SH3BP5L: variants seen among roughly 807,000 people sequenced by gnomAD.
The protein encoded by SH3BP5L is SH3 binding domain protein 5 like, also known as SH3 domain-binding protein 5-like.
In SH3BP5L, 16 loss-of-function variants were observed where a neutral mutation model predicts 40.9. That is an observed-to-expected ratio of 0.39 (90% confidence interval 0.27 to 0.59). The LOEUF (loss-of-function observed/expected upper bound fraction) is 0.59, where lower values mean the gene tolerates loss of function less well. SH3BP5L is among the 20% of genes least tolerant of loss of function. The probability of loss-of-function intolerance (pLI) is 0.53; values close to 1 mark genes in which losing one functional copy is unlikely to be tolerated. For synonymous variants in SH3BP5L, 229 were observed against 226.7 expected (o/e 1.01, Z -0.09); for missense variants, 471 against 544.6 (o/e 0.86, Z 1.35).
At chr1:248,822,494 G>A (rs1048033929) in intron 2 of SH3BP5L, among the ~76,000 whole-genome samples, 8 of 152,274 alleles carry the variant, frequency 5.3e-5, no homozygotes, top group East Asian at 1.9e-4. Context: ...CAAGAGAGAC[G>A]AGGGTCTGCT....
At position 248,811,893 on chromosome 1, in the gene SH3BP5L, C is replaced by T; in HGVS notation, c.*7G>A. On this transcript the variant is annotated 3_prime_UTR_variant, in exon 7 of 7. Coordinates refer to ENST00000366472, the MANE Select transcript of SH3BP5L (RefSeq NM_030645.3). Reference sequence around the variant, plus strand: ...GCAGATTCAAGCCAGGAACCCTGGCCCCTCGGCTACAGGCTGACGCTGCGC... The same window carrying T: ...GCAGATTCAAGCCAGGAACCCTGGCTCCTCGGCTACAGGCTGACGCTGCGC... 1 of 1,506,092 alleles carries T rather than the reference C, an allele frequency of 6.6e-7. No homozygotes were observed. Among genetic ancestry groups the T allele is most frequent in the Non-Finnish European group, 8.9e-7 (1 of 1,122,412 alleles). The allele number at this position is 1,506,092 out of a possible 1,614,324, so 93.3% of individuals were successfully genotyped here. A position where few individuals can be genotyped will look rare whatever the true frequency, so the allele number is the denominator to read the frequency against.
rs1664248263 is a variant in SH3BP5L at position 248,821,224 on chromosome 1, C to T, written c.183+3529G>A. The T allele has an allele frequency of 2.0e-5, 3 of 152,296 alleles. No homozygotes were observed. Among genetic ancestry groups the T allele is most frequent in the Admixed American group, 6.5e-5 (1 of 15,282 alleles). 9.4% of individuals were successfully genotyped at this position (152,296 alleles called of 1,614,324 possible). On this transcript the variant is annotated intron_variant, in intron 2 of 6. Coordinates refer to ENST00000366472, the MANE Select transcript of SH3BP5L (RefSeq NM_030645.3). This position sits in a 1 kb window ranked among gnomAD's most constrained non-coding sequence, Gnocchi z 4.6. ...AGTTTTGGGCAGTCAGCAACACATT[C>T]CATTTGGCCTGCTTCACCAGGGACT...
At position 248,825,159 on chromosome 1, in the gene SH3BP5L, T is replaced by G; in HGVS notation, c.-224A>C. The G allele has an allele frequency of 7.6e-7, 1 of 1,312,350 alleles. No individual in the cohort carries two copies. The allele number at this position is 1,312,350 out of a possible 1,614,324, so 81.3% of individuals were successfully genotyped here. A position where few individuals can be genotyped will look rare whatever the true frequency, so the allele number is the denominator to read the frequency against. On this transcript the variant is annotated 5_prime_UTR_variant, in exon 2 of 7. Transcript: ENST00000366472. ...TGAAGCCTTGTCTGTGCAAAAGTTC[T>G]TCCCTTCCCGCCACAGGGAGTCCAC...
In SH3BP5L at chr1:248,811,718, G is replaced by C. The variant is rs867818001; in HGVS notation, c.*182C>G. The C allele has an allele frequency of 1.3e-4, 73 of 552,402 alleles. No homozygotes were observed. The highest frequency in any genetic ancestry group is 1.0e-3 in the East Asian group (33 of 32,138). The allele number at this position is 552,402 out of a possible 1,614,324, so 34.2% of individuals were successfully genotyped here. ...AAGAGAGCCGCCTGCTGAGGGGAAGGGGGAGGCTGTGAGAACGCCAGGGCA... is the reference window on the plus strand; with the variant it reads ...AAGAGAGCCGCCTGCTGAGGGGAAGCGGGAGGCTGTGAGAACGCCAGGGCA... On this transcript the variant is annotated 3_prime_UTR_variant, in exon 7 of 7. Coordinates refer to ENST00000366472, the MANE Select transcript of SH3BP5L (RefSeq NM_030645.3).
intron 2 of SH3BP5L, among the ~76,000 whole-genome samples, chr1:248,819,365 A>C (rs1572184363): frequency 6.6e-6 from 1 of 151,788 alleles, no homozygotes; most frequent in African/African-American, 2.4e-5. Flanking sequence ...GCCACACATA[A>C]AATACACTAA....
chr1:248,819,214 G>A (rs111815067), intron 2 of SH3BP5L, among the ~76,000 whole-genome samples: 3 of 152,080 alleles, frequency 2.0e-5, no homozygotes, highest in Non-Finnish European at 2.9e-5. Flanking sequence ...GTAATGGAAC[G>A]AGGAATGAGG....
At chr1:248,824,679 C>G (rs1171923203) in intron 2 of SH3BP5L, 74 bp downstream of exon 2, 9 of 1,548,474 alleles carry the variant, frequency 5.8e-6, no homozygotes, top group African/African-American at 1.4e-5. Flanking sequence ...AAGTCTAAGC[C>G]CTCATTCATC....
chr1:248,820,749 G>A (rs1270042811), intron 2 of SH3BP5L: 1 of 152,146 alleles, frequency 6.6e-6, no homozygotes, highest in Non-Finnish European at 1.5e-5. Flanking sequence ...CATTGATTGT[G>A]GGGGGTCAGT....
chr1:248,817,842 G>A (rs757909425), intron 2 of SH3BP5L, among the ~76,000 whole-genome samples: 1 of 152,104 alleles, frequency 6.6e-6, no homozygotes, highest in Non-Finnish European at 1.5e-5. Flanking sequence ...AACATAGCGA[G>A]ACTCTGTCTC....
At chr1:248,813,701 G>A (rs1349152099) in intron 5 of SH3BP5L, 1 of 153,346 alleles carries the variant, frequency 6.5e-6, no homozygotes, top group African/African-American at 2.4e-5. Flanking sequence ...GTGGGCCGAG[G>A]TTGGATGGGG....
intron 2 of SH3BP5L, among the ~76,000 whole-genome samples, chr1:248,818,928 C>G (rs1664181081): frequency 6.6e-6 from 1 of 152,202 alleles, no homozygotes; most frequent in Non-Finnish European, 1.5e-5. Context: ...TGCCTGCTGC[C>G]CAGACCCATG....
At position 248,811,986 on chromosome 1, in the gene SH3BP5L, G is replaced by C. The variant is rs995498582; in HGVS notation, c.1096C>G (p.Gln366Glu). The change falls in exon 7 of 7, where the codon CAA (glutamine) becomes GAA (glutamate). Residue 366 changes from glutamine to glutamate, a missense_variant. Gln to Glu is a conservative substitution (Grantham distance 29). Around this residue, in one of 2 missense-constraint regions of SH3BP5L, gnomAD observed 196 missense variants for 174.6 expected, o/e 1.12. Transcript: ENST00000366472. ...GLSDHVSLDG[Q>E]ELGTRSGGRR... ...CCTCCACTCCGCGTTCCCAGCTCTT[G>C]GCCGTCCAGACTGACGTGGTCCGAG... is the stretch of plus-strand genomic sequence containing the variant. The C allele has an allele frequency of 1.8e-5, 29 of 1,602,824 alleles. No homozygotes were observed. The highest frequency in any genetic ancestry group is 2.7e-5 in the African/African-American group (2 of 74,816).
chr1:248,813,335 C>T, intron 5 of SH3BP5L, 173 bp from the exon 6 acceptor site: 1 of 537,592 alleles, frequency 1.9e-6, no homozygotes. Context: ...GTCTATGAGC[C>T]TCAAGACAGC....
intron 2 of SH3BP5L, among the ~76,000 whole-genome samples, chr1:248,823,058 G>A (rs1664292864): frequency 1.3e-5 from 2 of 152,228 alleles, no homozygotes; most frequent in Admixed American, 1.3e-4. Context: ...ATGCAAGCAT[G>A]ACTCTTCCTA....
rs556880340 is a variant in SH3BP5L at position 248,812,783 on chromosome 1, GTCACCAGCCCCCA to G, written c.711+193_711+205del. 3.6e-4 allele frequency among the ~76,000 whole-genome samples: 55 copies of G among 151,854 alleles called. No homozygotes were observed. The highest frequency in any genetic ancestry group is 1.2e-3 in the African/African-American group (50 of 41,344). On this transcript the variant is annotated intron_variant, in intron 6 of 6. Coordinates refer to ENST00000366472, the MANE Select transcript of SH3BP5L (RefSeq NM_030645.3). This position sits in a 1 kb window ranked among gnomAD's most constrained non-coding sequence, Gnocchi z 6.1. The stretch of plus-strand genomic sequence containing the variant: ...CCCTTCTTCCAACTACGTTCTCGCC[GTCACCAGCCCCCA>G]TCACCAGCCCCCATCCCTGCCTCTC...
At chr1:248,823,449 G>A (rs1664302301) in intron 2 of SH3BP5L, among the ~76,000 whole-genome samples, 1 of 151,502 alleles carries the variant, frequency 6.6e-6, no homozygotes, top group South Asian at 2.1e-4. Flanking sequence ...GGGGTTGGAG[G>A]TAGCGTGAAA....
chr1:248,816,962 C>G (rs1413971494), intron 2 of SH3BP5L, 78 bp from the exon 3 acceptor site: 6 of 1,607,392 alleles, frequency 3.7e-6, no homozygotes, highest in East Asian at 2.2e-5. Context: ...AGGAGCAACA[C>G]AGAGAGAGAG....
In SH3BP5L at chr1:248,817,053, T is replaced by C. The variant is rs1397121766; in HGVS notation, c.184-169A>G. 2.6e-6 allele frequency: 4 copies of C among 1,535,758 alleles called. No homozygotes were observed. In the Admixed American group the frequency reaches 5.9e-5, roughly 23 times the overall value. ...GGAGATTGCCAAAAGCTTTCTTGTC[T>C]ATCAGGGACCTGATACATACAATCT... On this transcript the variant is annotated intron_variant, in intron 2 of 6. Coordinates refer to ENST00000366472, the MANE Select transcript of SH3BP5L (RefSeq NM_030645.3).
At chr1:248,817,209 G>C (rs973866836) in intron 2 of SH3BP5L, 2 of 503,964 alleles carry the variant, frequency 4.0e-6, no homozygotes, top group African/African-American at 2.0e-5. Context: ...CACTCTCTCC[G>C]TGAGATTGCA....
Sources: allele counts gnomAD v4.1 joint callset (sites outside exome capture counted in the v4.1 genomes callset), GRCh38; gene constraint gnomAD v4.1.1; regional missense constraint gnomAD v4.1.1; non-coding constraint Gnocchi (gnomAD v3.1); transcripts MANE v1.5; gene names NCBI Gene and HGNC (gene_info 2026-07-23, HGNC 2026-07-21).